The following CACNA2D1 variants were observed in gnomAD, a reference collection of about 807,000 sequenced individuals.
CACNA2D1 encodes the protein calcium voltage-gated channel auxiliary subunit alpha2delta 1, also known as voltage-dependent calcium channel subunit alpha-2/delta-1.
A neutral mutation model predicts 171.5 loss-of-function variants in CACNA2D1; 53 were observed. The ratio of observed to expected loss-of-function variants is 0.31; its 90% CI spans 0.25 to 0.39. CACNA2D1 has a LOEUF of 0.39. CACNA2D1 is among the 10% of genes least tolerant of loss of function. The pLI, the probability that CACNA2D1 is intolerant of heterozygous loss-of-function variation, is 1.00. For synonymous variants in CACNA2D1, 442 were observed against 443.1 expected (o/e 1.00, Z 0.03); for missense variants, 903 against 1,299.8 (o/e 0.69, Z 4.69).
intron 3 of CACNA2D1, among the ~76,000 whole-genome samples, chr7:82,198,916 T>C (rs942221076): frequency 1.3e-5 from 2 of 151,956 alleles, no homozygotes; most frequent in African/African-American, 4.8e-5. Flanking sequence ...TTGTGAAGAG[T>C]TTCACTTAAT....
intron 6 of CACNA2D1, among the ~76,000 whole-genome samples, chr7:82,105,726 C>T (rs961525598): frequency 6.6e-6 from 1 of 152,050 alleles, no homozygotes. Context: ...ATAGAAACAA[C>T]AACTGATCTT....
At chr7:82,292,514 T>TAC (rs762099055) in intron 3 of CACNA2D1, among the ~76,000 whole-genome samples, 5 of 152,192 alleles carry the variant, frequency 3.3e-5, no homozygotes, top group Non-Finnish European at 7.3e-5. Context: ...TTACGTGCTT[T>TAC]ACCTTACACT....
At chr7:82,185,541 AGGGGAGGGGGAGGAGGGG>A (rs1797640005) in intron 3 of CACNA2D1, among the ~76,000 whole-genome samples, 1 of 11,782 alleles carries the variant, frequency 8.5e-5, no homozygotes, top group Non-Finnish European at 1.4e-4. Flanking sequence ...AGGGGGAGGA[AGGGGAGGGGGAGGAGGGG>A]GAGGGGGAGG....
chr7:82,346,478 G>C (rs956150442), intron 2 of CACNA2D1, among the ~76,000 whole-genome samples: 1 of 152,012 alleles, frequency 6.6e-6, no homozygotes, highest in Non-Finnish European at 1.5e-5. Context: ...ATTTTTCAGA[G>C]GGATATGCTA....
chr7:82,032,988 GTT>G lies in CACNA2D1; in HGVS notation c.1039-89_1039-88del. The G allele has an allele frequency of 5.2e-6, 4 of 774,582 alleles. No homozygotes were observed. In the African/African-American group the frequency reaches 6.9e-5, roughly 13 times the overall value. The allele number at this position is 774,582 out of a possible 1,614,324, so 48.0% of individuals were successfully genotyped here. On this transcript the variant is annotated intron_variant, in intron 11 of 38. Coordinates refer to ENST00000356860, the MANE Select transcript of CACNA2D1 (RefSeq NM_000722.4). ...AGCTATATGGAACGAGCATGAGCAG[GTT>G]GCAAGTAATTAATGAAATATCTGCT...
intron 1 of CACNA2D1, among the ~76,000 whole-genome samples, chr7:82,430,044 G>A (rs1349284786): frequency 1.1e-4 from 17 of 152,088 alleles, no homozygotes; most frequent in Admixed American, 1.1e-3. Context: ...AGACAGGGTG[G>A]TATTTTTAAA....
rs575040786 is a variant in CACNA2D1 at position 82,020,547 on chromosome 7, T to C, written c.1144-6068A>G. Among the ~76,000 whole-genome samples, 57 of 152,162 alleles carry C rather than the reference T, an allele frequency of 3.7e-4. No individual in the cohort carries two copies. In the South Asian group the frequency reaches 0.011, roughly 30 times the overall value. ...TAAGTATTAGCTATGGTAATGAAGA[T>C]GATGATGAAGACAACAATGTCTTTT... On this transcript the variant is annotated intron_variant, in intron 12 of 38. Coordinates refer to ENST00000356860, the MANE Select transcript of CACNA2D1 (RefSeq NM_000722.4).
At chr7:82,193,107 T>C (rs1333968084) in intron 3 of CACNA2D1, among the ~76,000 whole-genome samples, 2 of 151,924 alleles carry the variant, frequency 1.3e-5, no homozygotes, top group Non-Finnish European at 2.9e-5. Flanking sequence ...TACAAGGATT[T>C]AGCCGAAGCT....
chr7:82,244,772 T>A (rs1161924234), intron 3 of CACNA2D1, among the ~76,000 whole-genome samples: 2 of 152,132 alleles, frequency 1.3e-5, no homozygotes, highest in African/African-American at 4.8e-5. Context: ...TGATACAGTG[T>A]CCTCTAAAAT....
intron 3 of CACNA2D1, among the ~76,000 whole-genome samples, chr7:82,259,651 G>T (rs747361187): frequency 1.1e-4 from 17 of 152,162 alleles, no homozygotes; most frequent in Non-Finnish European, 2.2e-4. Context: ...GAAGGATAAA[G>T]CTCTGCAAAA....
At chr7:82,426,937 G>T (rs1829250227) in intron 1 of CACNA2D1, among the ~76,000 whole-genome samples, 1 of 152,182 alleles carries the variant, frequency 6.6e-6, no homozygotes, top group African/African-American at 2.4e-5. Flanking sequence ...TTTTATTACA[G>T]TGTATTGTTA....
intron 4 of CACNA2D1, among the ~76,000 whole-genome samples, chr7:82,165,683 T>C (rs1795382621): frequency 6.6e-6 from 1 of 151,976 alleles, no homozygotes; most frequent in Non-Finnish European, 1.5e-5. Context: ...AAATGAGCTT[T>C]GCATTATGGC....
intron 1 of CACNA2D1, among the ~76,000 whole-genome samples, chr7:82,357,455 T>C (rs1465046297): frequency 6.6e-6 from 1 of 152,118 alleles, no homozygotes; most frequent in African/African-American, 2.4e-5. Context: ...GTTGGAACAA[T>C]GCAGCCAAAA....
At chr7:82,044,758 T>TTA (rs2131263122) in intron 10 of CACNA2D1, among the ~76,000 whole-genome samples, 1 of 152,270 alleles carries the variant, frequency 6.6e-6, no homozygotes, top group Admixed American at 6.5e-5. Flanking sequence ...GCTGTGCTTG[T>TTA]TTTATGTACT....
intron 4 of CACNA2D1, among the ~76,000 whole-genome samples, chr7:82,149,852 G>A (rs1487152712): frequency 1.3e-5 from 2 of 151,700 alleles, no homozygotes; most frequent in African/African-American, 2.4e-5. Flanking sequence ...AGCTACTCAG[G>A]AAGCTGAGGC....
chr7:82,106,482 G>T (rs1292651791), intron 6 of CACNA2D1, among the ~76,000 whole-genome samples: 1 of 151,780 alleles, frequency 6.6e-6, no homozygotes, highest in African/African-American at 2.4e-5. Context: ...ACTGAATTTT[G>T]CACACATTCT....
chr7:82,118,862 T>C (rs1250784067), intron 5 of CACNA2D1, among the ~76,000 whole-genome samples: 3 of 152,068 alleles, frequency 2.0e-5, no homozygotes, highest in South Asian at 2.1e-4. Flanking sequence ...GCTATTTCCA[T>C]GGTTCTCCTT....
chr7:82,348,519 G>A (rs193225844), intron 2 of CACNA2D1, among the ~76,000 whole-genome samples: 73 of 152,168 alleles, frequency 4.8e-4, no homozygotes, highest in Admixed American at 1.7e-3. Context: ...ATTGTTATTC[G>A]CAGGGAACAC....
chr7:82,270,863 A>G (rs1296785241), intron 3 of CACNA2D1, among the ~76,000 whole-genome samples: 1 of 152,104 alleles, frequency 6.6e-6, no homozygotes, highest in Non-Finnish European at 1.5e-5. Flanking sequence ...TCCTTTGTCT[A>G]ACTACTCTTA....
Sources: allele counts gnomAD v4.1 joint callset (sites outside exome capture counted in the v4.1 genomes callset), GRCh38; gene constraint gnomAD v4.1.1; transcripts MANE v1.5; gene names NCBI Gene and HGNC (gene_info 2026-07-23, HGNC 2026-07-21).